OSBPL10: variants seen among roughly 807,000 people sequenced by gnomAD.
OSBPL10 encodes oxysterol binding protein like 10, also known as oxysterol-binding protein-related protein 10.
In OSBPL10, 49 loss-of-function variants were observed where a neutral mutation model predicts 81.7. That is an observed-to-expected ratio of 0.60 (90% CI 0.48 to 0.76). The LOEUF (loss-of-function observed/expected upper bound fraction) is 0.76. Ranked by LOEUF, OSBPL10 falls within the 30% of genes least tolerant of loss-of-function variation. The pLI, the probability that OSBPL10 is intolerant of heterozygous loss-of-function variation, is 0.00. For synonymous variants in OSBPL10, 419 were observed against 383.6 expected (o/e 1.09, Z -1.08); for missense variants, 923 against 987.8 (o/e 0.93, Z 0.88).
At chr3:31,949,524 TG>T (rs1347808792) in intron 1 of OSBPL10, among the ~76,000 whole-genome samples, 1 of 151,474 alleles carries the variant, frequency 6.6e-6, no homozygotes, top group Admixed American at 6.6e-5. Context: ...AAAAATTAGC[TG>T]GGCTTGGTGG....
chr3:31,970,312 A>G (rs1313582574), intron 1 of OSBPL10, among the ~76,000 whole-genome samples: 2 of 152,226 alleles, frequency 1.3e-5, no homozygotes, highest in Non-Finnish European at 2.9e-5. Context: ...CTCTGAGGCC[A>G]GATTTCTTCT....
At chr3:31,832,160 A>T (rs753949469) in intron 3 of OSBPL10, among the ~76,000 whole-genome samples, 3 of 152,344 alleles carry the variant, frequency 2.0e-5, no homozygotes, top group Non-Finnish European at 2.9e-5. Flanking sequence ...CTTTTCCAAC[A>T]TGAGGTAAAT....
intron 6 of OSBPL10, among the ~76,000 whole-genome samples, chr3:31,724,954 A>G (rs80254125): frequency 8.5e-5 from 13 of 152,304 alleles, no homozygotes; most frequent in African/African-American, 2.9e-4. Flanking sequence ...TGGTCATCTC[A>G]ATTGCTGCAG....
At chr3:31,886,822 C>G (rs2125650818) in intron 1 of OSBPL10, among the ~76,000 whole-genome samples, 1 of 152,232 alleles carries the variant, frequency 6.6e-6, no homozygotes, top group African/African-American at 2.4e-5. Flanking sequence ...CACCTGTACT[C>G]CCAGCTACTC....
intron 5 of OSBPL10, among the ~76,000 whole-genome samples, chr3:31,733,797 A>C (rs539751977): frequency 7.1e-6 from 1 of 141,812 alleles, no homozygotes; most frequent in Non-Finnish European, 1.5e-5. Context: ...GTAGATCATG[A>C]GGTCAGATCG....
At chr3:32,042,261 T>C (rs1469847433) in intron 2 of OSBPL10, among the ~76,000 whole-genome samples, 1 of 152,204 alleles carries the variant, frequency 6.6e-6, no homozygotes, top group Admixed American at 6.5e-5. Flanking sequence ...GACCCAGACA[T>C]GGCAGATCAA....
intron 1 of OSBPL10, among the ~76,000 whole-genome samples, chr3:31,938,506 GT>G (rs960368270): frequency 6.6e-6 from 1 of 151,994 alleles, no homozygotes; most frequent in African/African-American, 2.4e-5. Flanking sequence ...TTTTTGTGGG[GT>G]TTTTTGTTTG....
intron 6 of OSBPL10, among the ~76,000 whole-genome samples, chr3:31,713,198 T>C (rs1441553598): frequency 6.6e-6 from 1 of 152,128 alleles, no homozygotes; most frequent in Admixed American, 6.5e-5. Flanking sequence ...CCCTACACGA[T>C]GTTGCCCCCA....
intron 1 of OSBPL10, among the ~76,000 whole-genome samples, chr3:31,946,594 A>T (rs577247751): frequency 6.6e-6 from 1 of 152,278 alleles, no homozygotes; most frequent in African/African-American, 2.4e-5. Flanking sequence ...GCACAGCGGT[A>T]AAGGTAATGG....
intron 6 of OSBPL10, among the ~76,000 whole-genome samples, chr3:31,712,928 T>TC (rs1366620372): frequency 8.6e-6 from 1 of 116,012 alleles, no homozygotes; most frequent in Admixed American, 7.9e-5. Flanking sequence ...AATTTCTTGC[T>TC]TACGCACTGT....
chr3:31,948,961 C>G (rs72852968), intron 1 of OSBPL10, among the ~76,000 whole-genome samples: 25,871 of 152,116 alleles, frequency 0.17, 2,660 homozygotes, highest in South Asian at 0.27. Context: ...TTTGATTATT[C>G]AGAGAAAAGG....
chr3:31,949,667 CAAAAAAAAAAAAAAAAAAAA>C (rs56002214), intron 1 of OSBPL10, among the ~76,000 whole-genome samples: 5 of 26,260 alleles, frequency 1.9e-4, no homozygotes, highest in South Asian at 4.8e-3. Flanking sequence ...GACTCTGTCT[CAAAAAAAAAAAAAAAAAAAA>C]AAAAAAAAAA....
chr3:32,003,437 C>T (rs1038498328), intron 2 of OSBPL10, among the ~76,000 whole-genome samples: 1 of 152,138 alleles, frequency 6.6e-6, no homozygotes, highest in African/African-American at 2.4e-5. Flanking sequence ...GTAGACTTGC[C>T]CTGAACCATC....
rs538245152 is a variant in OSBPL10 at position 31,952,898 on chromosome 3, C to G, written c.281+28001G>C. Among the ~76,000 whole-genome samples the G allele has an allele frequency of 3.4e-5, 5 of 147,038 alleles. No homozygotes were observed. The South Asian group carries it at 1.1e-3, about 32-fold the overall frequency. Reference sequence around the variant, plus strand: ...TGGTTCAACTGGTCCAGGATGGGATCTGGTGATGAAATTTTTGTAAAATCT... The same window carrying G: ...TGGTTCAACTGGTCCAGGATGGGATGTGGTGATGAAATTTTTGTAAAATCT... On this transcript the variant is annotated intron_variant, in intron 1 of 11. Transcript: ENST00000396556.
At chr3:31,832,140 C>T (rs920895801) in intron 3 of OSBPL10, among the ~76,000 whole-genome samples, 1 of 152,172 alleles carries the variant, frequency 6.6e-6, no homozygotes, top group Non-Finnish European at 1.5e-5. Flanking sequence ...CTATAGTATG[C>T]AAAATATAGC....
chr3:31,944,341 TATAAA>T (rs1697633534), intron 1 of OSBPL10, among the ~76,000 whole-genome samples: 1 of 152,184 alleles, frequency 6.6e-6, no homozygotes, highest in Non-Finnish European at 1.5e-5. Flanking sequence ...AATCATAAAA[TATAAA>T]AGAACAGCTT....
chr3:32,072,422 C>T (rs1699838120), intron 1 of OSBPL10, among the ~76,000 whole-genome samples: 1 of 151,912 alleles, frequency 6.6e-6, no homozygotes, highest in South Asian at 2.1e-4. Context: ...CCTACTCTCC[C>T]ACTGAAACTT....
intron 2 of OSBPL10, chr3:31,989,916 T>C: frequency 6.2e-7 from 1 of 1,614,192 alleles, no homozygotes. Flanking sequence ...ATCATAGATG[T>C]CACACTGGTG....
At chr3:31,854,302 C>G (rs1700850937) in intron 3 of OSBPL10, among the ~76,000 whole-genome samples, 1 of 152,262 alleles carries the variant, frequency 6.6e-6, no homozygotes, top group East Asian at 1.9e-4. Flanking sequence ...ACACTGTGCG[C>G]CTCACTCTCC....
Sources: gnomAD v4.1 joint callset for allele counts (sites outside exome capture counted in the v4.1 genomes callset) on GRCh38, gnomAD v4.1.1 for gene constraint, MANE v1.5 for transcripts, NCBI Gene and HGNC (gene_info 2026-07-23, HGNC 2026-07-21) for gene names.